The following SYN3 variants were observed in gnomAD, a reference collection of about 807,000 sequenced individuals.
SYN3 encodes the protein synapsin-3.
A neutral mutation model predicts 65.8 loss-of-function variants in SYN3; 35 were observed. That is an observed-to-expected ratio of 0.53 (90% confidence interval 0.41 to 0.70). SYN3 has a LOEUF of 0.70. Ranked by LOEUF, SYN3 falls within the 30% of genes least tolerant of loss-of-function variation. The pLI, the probability that SYN3 is intolerant of heterozygous loss-of-function variation, is 0.00. For synonymous variants in SYN3, 270 were observed against 292.9 expected (o/e 0.92, Z 0.80); for missense variants, 680 against 749.0 (o/e 0.91, Z 1.08).
chr22:32,679,048 C>CTTTTTTTTTTTTTTTTTT (rs145971116), intron 6 of SYN3, among the ~76,000 whole-genome samples: 52 of 85,652 alleles, frequency 6.1e-4, no homozygotes, highest in Admixed American at 1.1e-3. Flanking sequence ...TTGTTTCTTT[C>CTTTTTTTTTTTTTTTTTT]TTTTTTTTTT....
intron 7 of SYN3, among the ~76,000 whole-genome samples, 177 bp from the exon 8 acceptor site, chr22:32,541,890 G>T (rs1022817827): frequency 1.3e-5 from 2 of 152,198 alleles, no homozygotes; most frequent in South Asian, 4.1e-4. Flanking sequence ...GAGCTGCAGA[G>T]AGGAAGGGAG....
chr22:32,969,067 G>A (rs749221685), intron 3 of SYN3, among the ~76,000 whole-genome samples: 28 of 152,166 alleles, frequency 1.8e-4, no homozygotes, highest in Non-Finnish European at 3.8e-4. Context: ...ACAGGGGGCC[G>A]TGCTGATGCT....
intron 6 of SYN3, among the ~76,000 whole-genome samples, chr22:32,789,829 G>T (rs1368482059): frequency 6.6e-6 from 1 of 152,230 alleles, no homozygotes; most frequent in Admixed American, 6.5e-5. Context: ...AGTACAGGGT[G>T]ATGAACTTCA....
intron 6 of SYN3, among the ~76,000 whole-genome samples, chr22:32,668,529 CCTT>C (rs1472048364): frequency 3.3e-5 from 5 of 152,034 alleles, no homozygotes; most frequent in African/African-American, 4.8e-5. Context: ...TTCTCCTTCT[CCTT>C]CTCCTTCCCC....
intron 6 of SYN3, among the ~76,000 whole-genome samples, chr22:32,683,269 G>A (rs2060547750): frequency 6.6e-6 from 1 of 152,106 alleles, no homozygotes; most frequent in African/African-American, 2.4e-5. Context: ...AGATGATGTT[G>A]ATGACATTTT....
intron 10 of SYN3, among the ~76,000 whole-genome samples, chr22:32,532,314 G>A (rs1056384928): frequency 3.9e-5 from 6 of 152,290 alleles, no homozygotes; most frequent in African/African-American, 1.2e-4. Context: ...GCCGTGCTGG[G>A]GGTTCCTGCC....
chr22:32,723,609 A>G (rs1474183777), intron 6 of SYN3, among the ~76,000 whole-genome samples: 1 of 152,204 alleles, frequency 6.6e-6, no homozygotes, highest in African/African-American at 2.4e-5. Context: ...CAGGAGATGA[A>G]CTTCCAAGCT....
chr22:32,631,479 A>G (rs1464737635), intron 6 of SYN3, among the ~76,000 whole-genome samples: 1 of 152,190 alleles, frequency 6.6e-6, no homozygotes, highest in Non-Finnish European at 1.5e-5. Flanking sequence ...AAGTTCCTTC[A>G]GGGACAAGAA....
chr22:32,934,165 AG>A, intron 3 of SYN3, among the ~76,000 whole-genome samples: 1 of 152,338 alleles, frequency 6.6e-6, no homozygotes, highest in Admixed American at 6.5e-5. Context: ...TAAGAAGAAA[AG>A]TTGTTGCTTA....
At chr22:32,716,206 T>A (rs1385445755) in intron 6 of SYN3, among the ~76,000 whole-genome samples, 1 of 152,090 alleles carries the variant, frequency 6.6e-6, no homozygotes, top group Non-Finnish European at 1.5e-5. Flanking sequence ...AGAGTAAAGT[T>A]CCCACTTGAG....
At chr22:32,527,842 A>C in intron 12 of SYN3, 76 bp downstream of exon 12, 29 of 1,214,214 alleles carry the variant, frequency 2.4e-5, no homozygotes, top group Non-Finnish European at 3.3e-5. Context: ...CCTTGTGGGA[A>C]TCACATGTGG....
chr22:32,918,314 T>C (rs1185402360), intron 4 of SYN3, among the ~76,000 whole-genome samples: 1 of 152,172 alleles, frequency 6.6e-6, no homozygotes, highest in Non-Finnish European at 1.5e-5. Flanking sequence ...GAATCAGTTA[T>C]AGTACAGGAA....
At chr22:32,949,552 G>A (rs1017046892) in intron 3 of SYN3, among the ~76,000 whole-genome samples, 2 of 152,062 alleles carry the variant, frequency 1.3e-5, no homozygotes. Context: ...CCACACACAC[G>A]CATGCATGCG....
intron 6 of SYN3, among the ~76,000 whole-genome samples, chr22:32,739,178 G>GT (rs2147380325): frequency 6.6e-6 from 1 of 150,856 alleles, no homozygotes; most frequent in East Asian, 2.0e-4. Flanking sequence ...AATCACAGGG[G>GT]GGGGGCGGTT....
At chr22:33,008,923 TCAAAAAAAAAAAAAAAAAA>T (rs2053268629) in intron 1 of SYN3, among the ~76,000 whole-genome samples, 1 of 17,224 alleles carries the variant, frequency 5.8e-5, no homozygotes, top group African/African-American at 2.6e-4. Context: ...AGACTTTATC[TCAAAAAAAAAAAAAAAAAA>T]AAAAAAAAAA....
intron 6 of SYN3, among the ~76,000 whole-genome samples, chr22:32,789,981 T>C (rs912941075): frequency 6.6e-6 from 1 of 152,232 alleles, no homozygotes; most frequent in Non-Finnish European, 1.5e-5. Context: ...TCCACATATA[T>C]CATCTTATTT....
At chr22:32,578,133 T>C (rs2146470868) in intron 7 of SYN3, among the ~76,000 whole-genome samples, 1 of 152,392 alleles carries the variant, frequency 6.6e-6, no homozygotes, top group South Asian at 2.1e-4. Flanking sequence ...GAAGATGATT[T>C]GCTTTCTAGT....
At chr22:32,587,798 CAG>C (rs1027798518) in intron 7 of SYN3, among the ~76,000 whole-genome samples, 32 of 152,138 alleles carry the variant, frequency 2.1e-4, no homozygotes, top group Non-Finnish European at 2.9e-4. Flanking sequence ...CCGGAACAGA[CAG>C]GGGTGTCTGC....
chr22:32,719,181 C>T (rs148830960), intron 6 of SYN3, among the ~76,000 whole-genome samples: 3 of 152,178 alleles, frequency 2.0e-5, no homozygotes, highest in Admixed American at 6.5e-5. Flanking sequence ...TAAAATTACT[C>T]AATATGTCTA....
Sources: gnomAD v4.1 joint callset for allele counts (sites outside exome capture counted in the v4.1 genomes callset) on GRCh38, gnomAD v4.1.1 for gene constraint, MANE v1.5 for transcripts, NCBI Gene and HGNC (gene_info 2026-07-23, HGNC 2026-07-21) for gene names.